The following ANKS1B variants were observed in gnomAD, a reference collection of about 807,000 sequenced individuals.
ANKS1B encodes ankyrin repeat and sterile alpha motif domain containing 1B, also known as ankyrin repeat and sterile alpha motif domain-containing protein 1B.
Under a neutral mutation model 148.3 loss-of-function variants are expected in ANKS1B, and 36 were observed. The ratio of observed to expected loss-of-function variants is 0.24; its 90% CI spans 0.19 to 0.32. The LOEUF (loss-of-function observed/expected upper bound fraction) is 0.32. Ranked by LOEUF, ANKS1B falls within the 10% of genes least tolerant of loss-of-function variation. The pLI, the probability that ANKS1B is intolerant of heterozygous loss-of-function variation, is 1.00. For synonymous variants in ANKS1B, 542 were observed against 560.8 expected (o/e 0.97, Z 0.47); for missense variants, 1,157 against 1,542.6 (o/e 0.75, Z 4.19).
chr12:99,201,734 T>C (rs577937899), intron 14 of ANKS1B, among the ~76,000 whole-genome samples: 1 of 152,154 alleles, frequency 6.6e-6, no homozygotes, highest in Non-Finnish European at 1.5e-5. Context: ...AAAACACACA[T>C]TTACAAGTCA....
intron 8 of ANKS1B, among the ~76,000 whole-genome samples, chr12:99,697,076 A>C (rs562494203): frequency 1.6e-4 from 24 of 152,302 alleles, no homozygotes; most frequent in Middle Eastern, 3.4e-3. Flanking sequence ...AACACTGACA[A>C]CACCAAATGC....
intron 8 of ANKS1B, among the ~76,000 whole-genome samples, chr12:99,721,788 C>T (rs566183894): frequency 6.6e-6 from 1 of 152,150 alleles, no homozygotes; most frequent in Admixed American, 6.5e-5. Flanking sequence ...AAACCTAGGC[C>T]TCATGTGCCA....
chr12:99,837,067 C>T (rs553978261), intron 1 of ANKS1B, among the ~76,000 whole-genome samples: 1 of 152,162 alleles, frequency 6.6e-6, no homozygotes, highest in South Asian at 2.1e-4. Flanking sequence ...AGGTGGGCCC[C>T]ATGTAATTAC....
intron 2 of ANKS1B, among the ~76,000 whole-genome samples, chr12:99,816,275 G>A (rs114611586): frequency 3.0e-4 from 45 of 151,796 alleles, no homozygotes; most frequent in Admixed American, 7.9e-4. Flanking sequence ...TTTGTTGGCT[G>A]TCTGCATATC....
At chr12:99,473,194 TTG>T (rs2096267979) in intron 10 of ANKS1B, among the ~76,000 whole-genome samples, 1 of 152,046 alleles carries the variant, frequency 6.6e-6, no homozygotes, top group South Asian at 2.1e-4. Context: ...CACAGACATA[TTG>T]TGTTTTAAAT....
chr12:98,914,563 T>A (rs1464700575), intron 17 of ANKS1B, among the ~76,000 whole-genome samples: 3 of 152,136 alleles, frequency 2.0e-5, no homozygotes, highest in African/African-American at 4.8e-5. Flanking sequence ...TCCTTATTCC[T>A]ATCCCTACCT....
intron 17 of ANKS1B, among the ~76,000 whole-genome samples, chr12:98,972,020 T>C (rs61932222): frequency 0.18 from 27,509 of 151,940 alleles, 2,675 homozygotes; most frequent in African/African-American, 0.23. Context: ...ATACAAAAAT[T>C]AGCCGGGCGT....
chr12:99,712,291 T>C (rs1167961610), intron 8 of ANKS1B, among the ~76,000 whole-genome samples: 1 of 152,182 alleles, frequency 6.6e-6, no homozygotes. Flanking sequence ...ATAGGCTGAA[T>C]AATAGCCCTT....
Position 99,541,146 on chromosome 12 carries a change from C to T in ANKS1B, c.1273-36505G>A, listed in dbSNP as rs566178606. Among the ~76,000 whole-genome samples, 251 of 152,184 alleles carry T rather than the reference C, an allele frequency of 1.6e-3. 2 individuals are homozygous for T. The highest frequency in any genetic ancestry group is 5.5e-3 in the African/African-American group (227 of 41,538). On this transcript the variant is annotated intron_variant, in intron 9 of 26. Transcript: ENST00000683438. Reference sequence around the variant, plus strand: ...TAATTTCAAAACTTTCCATATATTACGGCCAGGCTCAGATGGCTTCAAAGG... The same window carrying T: ...TAATTTCAAAACTTTCCATATATTATGGCCAGGCTCAGATGGCTTCAAAGG...
chr12:99,942,003 G>A (rs940147544), intron 1 of ANKS1B, among the ~76,000 whole-genome samples: 1 of 152,138 alleles, frequency 6.6e-6, no homozygotes, highest in Non-Finnish European at 1.5e-5. Context: ...CAGAACTGGA[G>A]GACAGAGCAC....
At chr12:99,173,630 G>A (rs1333086174) in intron 14 of ANKS1B, among the ~76,000 whole-genome samples, 1 of 152,044 alleles carries the variant, frequency 6.6e-6, no homozygotes, top group Non-Finnish European at 1.5e-5. Flanking sequence ...CATATAATTA[G>A]GTAATTTAAA....
intron 17 of ANKS1B, among the ~76,000 whole-genome samples, chr12:98,835,359 G>A (rs556064994): frequency 6.6e-6 from 1 of 152,290 alleles, no homozygotes; most frequent in African/African-American, 2.4e-5. Context: ...ACACATAGAA[G>A]AAGCAACTTT....
At chr12:98,881,490 T>A (rs1179766479) in intron 17 of ANKS1B, among the ~76,000 whole-genome samples, 1 of 152,186 alleles carries the variant, frequency 6.6e-6, no homozygotes, top group Non-Finnish European at 1.5e-5. Flanking sequence ...TAGAGACAGG[T>A]AATAACTCAT....
intron 17 of ANKS1B, among the ~76,000 whole-genome samples, chr12:99,040,548 A>G (rs1210183552): frequency 6.6e-6 from 1 of 152,178 alleles, no homozygotes; most frequent in Non-Finnish European, 1.5e-5. Context: ...CTTTCATGAC[A>G]CAATACATCT....
chr12:99,078,741 A>G (rs4762219), intron 16 of ANKS1B, among the ~76,000 whole-genome samples: 109,973 of 147,010 alleles, frequency 0.75, 41,323 homozygotes, highest in East Asian at 0.91. Flanking sequence ...TCTAAGATGT[A>G]CCCCACCCTG....
intron 17 of ANKS1B, among the ~76,000 whole-genome samples, chr12:98,851,030 A>G (rs752157908): frequency 2.1e-4 from 32 of 152,248 alleles, no homozygotes; most frequent in Non-Finnish European, 2.2e-4. Context: ...GAACTGCTAC[A>G]GTACTACAGT....
chr12:98,891,592 C>A (rs969845927), intron 17 of ANKS1B, among the ~76,000 whole-genome samples: 1 of 152,128 alleles, frequency 6.6e-6, no homozygotes, highest in African/African-American at 2.4e-5. Context: ...AATGCATTCA[C>A]GTAAATGTTC....
chr12:99,644,714 T>G (rs893564077), intron 9 of ANKS1B, among the ~76,000 whole-genome samples: 2 of 152,194 alleles, frequency 1.3e-5, no homozygotes, highest in African/African-American at 4.8e-5. Flanking sequence ...ACAAACTTAG[T>G]TGCTTATAAC....
intron 9 of ANKS1B, among the ~76,000 whole-genome samples, chr12:99,654,440 A>C (rs2098440257): frequency 6.6e-6 from 1 of 152,222 alleles, no homozygotes; most frequent in African/African-American, 2.4e-5. Flanking sequence ...CCATGGCTTC[A>C]AATTTCCTAT....
Sources: gnomAD v4.1 joint callset for allele counts (sites outside exome capture counted in the v4.1 genomes callset) on GRCh38, gnomAD v4.1.1 for gene constraint, MANE v1.5 for transcripts, NCBI Gene and HGNC (gene_info 2026-07-23, HGNC 2026-07-21) for gene names.